EVA1C: variants seen among roughly 807,000 people sequenced by gnomAD.
EVA1C encodes the protein protein eva-1 homolog C.
In EVA1C, 25 loss-of-function variants were observed where a neutral mutation model predicts 45.4. The observed-to-expected ratio is 0.55, with a 90% CI of 0.40 to 0.77. The LOEUF (loss-of-function observed/expected upper bound fraction) is 0.77, where lower values mean the gene tolerates loss of function less well. EVA1C is among the 30% of genes least tolerant of loss of function. The probability of loss-of-function intolerance (pLI) is 0.00; values close to 1 mark genes in which losing one functional copy is unlikely to be tolerated. For synonymous variants in EVA1C, 190 were observed against 221.2 expected, an observed-to-expected ratio of 0.86 and a Z score of 1.25; for missense variants, 479 against 554.8, an observed-to-expected ratio of 0.86 and a Z score of 1.37.
At chr21:32,428,314 T>C (rs1321527067) in intron 1 of EVA1C, 1 of 152,180 alleles carries the variant, frequency 6.6e-6, no homozygotes, top group East Asian at 1.9e-4. Flanking sequence ...AAGGGGCTTT[T>C]TACAAACAGG....
intron 4 of EVA1C, among the ~76,000 whole-genome samples, chr21:32,473,722 G>C (rs2036460638): frequency 6.6e-6 from 1 of 152,214 alleles, no homozygotes; most frequent in South Asian, 2.1e-4. Flanking sequence ...GTTGGAGACA[G>C]GGTCTCGCTC....
intron 1 of EVA1C, among the ~76,000 whole-genome samples, chr21:32,436,624 T>C (rs1251719171): frequency 1.3e-5 from 2 of 152,296 alleles, no homozygotes; most frequent in African/African-American, 4.8e-5. Flanking sequence ...GATTCTATAA[T>C]AAGGGAAAGT....
chr21:32,467,780 C>A lies in EVA1C; in HGVS notation c.566C>A (p.Ala189Glu), dbSNP rs140051684. ...HESKFLNIYS[A>E]TYGRRTQERD... ...TCCAAGTTCCTCAACATCTACTCTG[C>A]GACCTACGGCAGGAGGACCCAGGAA... The change falls in exon 4 of 8, where the codon GCG becomes GAG. Residue 189 changes from alanine to glutamate, a missense_variant. Transcript: ENST00000300255. 6.2e-7 allele frequency: 1 copy of A among 1,612,860 alleles called. No homozygotes were observed. Among genetic ancestry groups the A allele is most frequent in the Non-Finnish European group, 8.5e-7 (1 of 1,179,392 alleles).
intron 3 of EVA1C, among the ~76,000 whole-genome samples, chr21:32,465,050 A>G (rs2146292615): frequency 6.6e-6 from 1 of 152,304 alleles, no homozygotes; most frequent in Admixed American, 6.5e-5. Flanking sequence ...ACACATACTC[A>G]TATACACACA....
chr21:32,427,883 G>A (rs994389216), intron 1 of EVA1C, among the ~76,000 whole-genome samples: 5 of 149,944 alleles, frequency 3.3e-5, no homozygotes, highest in African/African-American at 1.2e-4. Context: ...AAAAAGAAAG[G>A]CAGGAAAAAC....
rs373300812 is a variant in EVA1C, at chr21:32,474,740, G to A, written c.634+6892G>A. Reference sequence around the variant, plus strand: ...CCTCTGAAGTGAGGTGCCCACACTCGGCTCCCGAGGATGGATAATCGTCTG... The same window carrying A: ...CCTCTGAAGTGAGGTGCCCACACTCAGCTCCCGAGGATGGATAATCGTCTG... On this transcript the variant is annotated intron_variant, in intron 4 of 7. Transcript: ENST00000300255. This position sits in a 1 kb window ranked among gnomAD's most constrained non-coding sequence, Gnocchi z 4.4. Among the ~76,000 whole-genome samples, 38 of 152,328 alleles carry A rather than the reference G, an allele frequency of 2.5e-4. No homozygotes were observed. The highest frequency in any genetic ancestry group is 7.2e-4 in the African/African-American group (30 of 41,576).
At chr21:32,485,985 A>T (rs2036960091) in intron 4 of EVA1C, among the ~76,000 whole-genome samples, 1 of 152,220 alleles carries the variant, frequency 6.6e-6, no homozygotes, top group South Asian at 2.1e-4. Flanking sequence ...CCACCTTGTA[A>T]GGTTTCGGCA....
At chr21:32,451,195 A>G (rs1034994525) in intron 1 of EVA1C, among the ~76,000 whole-genome samples, 1 of 152,128 alleles carries the variant, frequency 6.6e-6, no homozygotes, top group African/African-American at 2.4e-5. Context: ...AAACCTAAAC[A>G]GGAATACTTT....
chr21:32,492,215 T>C (rs188452483), intron 4 of EVA1C, among the ~76,000 whole-genome samples: 182 of 152,176 alleles, frequency 1.2e-3, no homozygotes, highest in Middle Eastern at 3.4e-3. Flanking sequence ...AATCCCTCAA[T>C]AGGGGCATTT....
intron 1 of EVA1C, among the ~76,000 whole-genome samples, chr21:32,424,680 T>G (rs942599171): frequency 1.3e-5 from 2 of 152,188 alleles, no homozygotes; most frequent in Non-Finnish European, 2.9e-5. Context: ...AGAACCCCAG[T>G]GCTGTGGTCC....
At chr21:32,412,618 T>C (rs2033861548), upstream of EVA1C, 1 of 397,770 alleles carries the variant, frequency 2.5e-6, no homozygotes, top group East Asian at 3.8e-5. Context: ...TCGGGGAAAC[T>C]ACGCGGATCC....
intron 4 of EVA1C, among the ~76,000 whole-genome samples, chr21:32,484,656 CTACT>C (rs1420327109): frequency 2.0e-5 from 3 of 152,172 alleles, no homozygotes; most frequent in African/African-American, 7.2e-5. Context: ...AATTCCTCCC[CTACT>C]TAGAGACTCT....
chr21:32,482,814 C>G (rs920398393), intron 4 of EVA1C, among the ~76,000 whole-genome samples: 1 of 142,658 alleles, frequency 7.0e-6, no homozygotes, highest in African/African-American at 2.6e-5. Flanking sequence ...TGTCCTGCCC[C>G]CTTCAGGGTT....
At chr21:32,488,587 C>CAT (rs34049195) in intron 4 of EVA1C, among the ~76,000 whole-genome samples, 22,814 of 148,030 alleles carry the variant, frequency 0.15, 2,033 homozygotes, top group East Asian at 0.23. Context: ...AGCTGTTGGC[C>CAT]TTTTTTTTTT....
chr21:32,504,472 T>C (rs2037658589), intron 7 of EVA1C, among the ~76,000 whole-genome samples: 1 of 152,174 alleles, frequency 6.6e-6, no homozygotes, highest in African/African-American at 2.4e-5. Flanking sequence ...AGGATTCCCT[T>C]GTTAGTCTTC....
chr21:32,412,552 G>T, upstream of EVA1C: 1 of 303,958 alleles, frequency 3.3e-6, no homozygotes, highest in Non-Finnish European at 6.0e-6. Context: ...CGAAGGCTGC[G>T]CTTTCCCTAC....
At chr21:32,412,698 G>A (rs1043400169), upstream of EVA1C, 53 of 689,442 alleles carry the variant, frequency 7.7e-5, no homozygotes, top group Non-Finnish European at 1.1e-4. Flanking sequence ...GGGCTGGCCC[G>A]CGCAGGGGAG....
At chr21:32,503,423 G>A (rs747257610) in intron 6 of EVA1C, among the ~76,000 whole-genome samples, 8 of 152,202 alleles carry the variant, frequency 5.3e-5, no homozygotes, top group Admixed American at 1.3e-4. Context: ...GCACGTGCCT[G>A]TAATCCCAGC....
intron 1 of EVA1C, among the ~76,000 whole-genome samples, chr21:32,426,156 C>T (rs2034479435): frequency 1.3e-5 from 2 of 152,060 alleles, no homozygotes. Context: ...AATTTTTCCC[C>T]CTTCCTTTCC....
Sources: allele counts gnomAD v4.1 joint callset (sites outside exome capture counted in the v4.1 genomes callset), GRCh38; gene constraint gnomAD v4.1.1; non-coding constraint Gnocchi (gnomAD v3.1); transcripts MANE v1.5; gene names NCBI Gene and HGNC (gene_info 2026-07-23, HGNC 2026-07-21).